Variants in DMD observed in about 807,000 individuals in gnomAD.
DMD encodes dystrophin.
Under a neutral mutation model 330.1 loss-of-function variants are expected in DMD, and 63 were observed. That is an observed-to-expected ratio of 0.19 (90% CI 0.16 to 0.24). The LOEUF (loss-of-function observed/expected upper bound fraction) is 0.24, where lower values mean the gene tolerates loss of function less well. Among genes scored for constraint, DMD ranks in the 10% least tolerant of loss-of-function variants. DMD has a pLI of 1.00. For missense variants in DMD, 3,344 were observed against 2,684.1 expected (o/e 1.25, Z -5.43); for synonymous variants, 1,223 against 959.8 (o/e 1.27, Z -5.07).
chrX:31,640,071 C>A (rs943838425), intron 54 of DMD, among the ~76,000 whole-genome samples: 2 of 112,024 alleles, frequency 1.8e-5, no homozygotes, highest in Admixed American at 9.5e-5. Flanking sequence ...CTACAACCAG[C>A]TGTGACTATC....
intron 2 of DMD, among the ~76,000 whole-genome samples, chrX:32,932,487 T>C (rs1030153914): frequency 9.0e-5 from 10 of 111,654 alleles, no homozygotes; most frequent in Admixed American, 6.7e-4. Context: ...AAAAATGCAA[T>C]AGGTTATAGC....
intron 2 of DMD, among the ~76,000 whole-genome samples, chrX:32,857,103 G>A (rs769483710): frequency 2.9e-4 from 32 of 110,944 alleles, no homozygotes; most frequent in African/African-American, 8.2e-4. Flanking sequence ...GAAGTGGAAT[G>A]TTTGTGGCAC....
intron 9 of DMD, among the ~76,000 whole-genome samples, chrX:32,677,212 A>G (rs946410479): frequency 2.7e-5 from 3 of 111,269 alleles, no homozygotes; most frequent in Non-Finnish European, 5.7e-5. Flanking sequence ...TATTTTTTCA[A>G]AACCAGTCAC....
intron 61 of DMD, among the ~76,000 whole-genome samples, chrX:31,325,685 T>C (rs147952920): frequency 0.031 from 3,405 of 111,275 alleles, 53 homozygotes; most frequent in Middle Eastern, 0.06. Context: ...TCTGTTGTTA[T>C]GGAAATATTA....
chrX:31,782,914 T>A (rs1012809524), intron 50 of DMD, among the ~76,000 whole-genome samples: 5 of 111,646 alleles, frequency 4.5e-5, no homozygotes, highest in African/African-American at 1.6e-4. Flanking sequence ...AAGTAACACT[T>A]TTAGCAGAAA....
intron 60 of DMD, among the ~76,000 whole-genome samples, chrX:31,430,623 G>A (rs1002245061): frequency 7.3e-5 from 8 of 110,167 alleles, no homozygotes; most frequent in Non-Finnish European, 1.5e-4. Context: ...CATGATCAAT[G>A]AAGGACCTAA....
intron 1 of DMD, among the ~76,000 whole-genome samples, chrX:33,254,336 GA>G (rs1334395942): frequency 1.9e-5 from 2 of 104,482 alleles, no homozygotes; most frequent in South Asian, 3.8e-4. Context: ...ACATAGACTT[GA>G]AAAAAGATAT....
chrX:32,644,039 G>A, intron 11 of DMD, 93 bp downstream of exon 11: 1 of 780,811 alleles, frequency 1.3e-6, no homozygotes, highest in South Asian at 2.6e-5. Flanking sequence ...GGAACAAACT[G>A]AGAATCGTAA....
At chrX:31,961,740 G>GTTTTTTTTTTTTTTTTTTT (rs59279553) in intron 45 of DMD, among the ~76,000 whole-genome samples, 2 of 75,638 alleles carry the variant, frequency 2.6e-5, no homozygotes, top group African/African-American at 5.3e-5. Context: ...AAAGGAAGCG[G>GTTTTTTTTTTTTTTTTTTT]TTTTTTTTTT....
intron 63 of DMD, among the ~76,000 whole-genome samples, chrX:31,228,254 A>G (rs1234741566): frequency 1.2e-5 from 1 of 83,608 alleles, no homozygotes; most frequent in Non-Finnish European, 2.2e-5. Context: ...CTTAAAGTAT[A>G]ATAAAAAAAA....
chrX:31,480,128 T>C (rs888171377), intron 57 of DMD, among the ~76,000 whole-genome samples: 2 of 112,384 alleles, frequency 1.8e-5, no homozygotes, highest in African/African-American at 6.5e-5. Flanking sequence ...CAACTCTGTC[T>C]TTTAGCAATG....
chrX:31,469,735 G>C lies in DMD; in HGVS notation c.8937+8371C>G, dbSNP rs772401018. Among the ~76,000 whole-genome samples, 460 of 111,872 alleles carry C rather than the reference G, an allele frequency of 4.1e-3. 3 individuals are homozygous for C. The highest frequency in any genetic ancestry group is 6.4e-3 in the Non-Finnish European group (340 of 53,225). ...TGGCCTGTCTTGCTAGGTTGGGGAA[G>C]TTCTCCTGGATAATAACCTGAAGAG... On this transcript the variant is annotated intron_variant, in intron 59 of 78. Transcript: ENST00000357033.
chrX:32,602,068 G>A (rs2149294304), intron 12 of DMD, among the ~76,000 whole-genome samples: 1 of 112,020 alleles, frequency 8.9e-6, no homozygotes, highest in Non-Finnish European at 1.9e-5. Context: ...GAAAACAAGT[G>A]AAGTTACAGC....
intron 2 of DMD, among the ~76,000 whole-genome samples, chrX:32,882,336 AATT>A (rs1290123336): frequency 1.8e-5 from 2 of 111,771 alleles, no homozygotes; most frequent in African/African-American, 6.5e-5. Flanking sequence ...TCTCTTTGTC[AATT>A]TTTCAATACC....
At chrX:32,876,840 T>G (rs1184132985) in intron 2 of DMD, among the ~76,000 whole-genome samples, 1 of 112,384 alleles carries the variant, frequency 8.9e-6, no homozygotes, top group African/African-American at 3.2e-5. Flanking sequence ...CTGTGCCAAA[T>G]GGGGCACATT....
intron 25 of DMD, among the ~76,000 whole-genome samples, chrX:32,458,813 G>C (rs1272944889): frequency 1.8e-5 from 2 of 111,431 alleles, no homozygotes; most frequent in Non-Finnish European, 3.8e-5. Flanking sequence ...GACTATTCAA[G>C]TCCTGTGCTC....
At chrX:33,236,931 C>A (rs948302542) in intron 1 of DMD, among the ~76,000 whole-genome samples, 8 of 110,936 alleles carry the variant, frequency 7.2e-5, no homozygotes, top group Admixed American at 1.9e-4. Context: ...AGCTCATTCC[C>A]CATCCAACTG....
chrX:32,621,753 T>C lies in DMD; in HGVS notation c.1332-7300A>G, dbSNP rs148163098. Among the ~76,000 whole-genome samples, 4 of 111,083 alleles carry C rather than the reference T, an allele frequency of 3.6e-5. No individual in the cohort carries two copies. In the East Asian group the frequency reaches 1.1e-3, roughly 32 times the overall value. ...TTAATGACTGGTACAGTCACATCAA[T>C]GTCTCCCAGCCAAATAGAGCCCTGC... On this transcript the variant is annotated intron_variant, in intron 11 of 78. Transcript: ENST00000357033.
At chrX:31,934,973 T>G (rs763462573) in intron 45 of DMD, among the ~76,000 whole-genome samples, 1 of 112,175 alleles carries the variant, frequency 8.9e-6, no homozygotes, top group Non-Finnish European at 1.9e-5. Context: ...TTTGTTGATT[T>G]CTTATGTATG....
Sources: gnomAD v4.1 joint callset for allele counts (sites outside exome capture counted in the v4.1 genomes callset) on GRCh38, gnomAD v4.1.1 for gene constraint, MANE v1.5 for transcripts, NCBI Gene and HGNC (gene_info 2026-07-23, HGNC 2026-07-21) for gene names.